Variants in FOCAD observed in about 807,000 individuals in gnomAD.
The protein encoded by FOCAD is focadhesin.
In FOCAD, 198 loss-of-function variants were observed where a neutral mutation model predicts 225.6. The observed-to-expected ratio is 0.88, with a 90% CI of 0.78 to 0.99. The LOEUF is 0.99. Ranked by LOEUF, FOCAD falls within the 50% of genes least tolerant of loss-of-function variation. The pLI is 0.00. For missense variants in FOCAD, 2,713 were observed against 2,123.6 expected, an observed-to-expected ratio of 1.28 and a Z score of -5.46; for synonymous variants, 897 against 755.0, an observed-to-expected ratio of 1.19 and a Z score of -3.08.
Position 20,982,364 on chromosome 9 carries a change from A to G in FOCAD, c.4646A>G (p.Asp1549Gly), listed in dbSNP as rs1270116430. The G allele has an allele frequency of 6.2e-7, 1 of 1,612,038 alleles. No individual in the cohort carries two copies. The highest frequency in any genetic ancestry group is 8.5e-7 in the Non-Finnish European group (1 of 1,178,228). The change falls in exon 39 of 44, where the codon GAT (aspartate) becomes GGT (glycine). Residue 1549 changes from aspartate (D) to glycine (G), a missense_variant. By Grantham distance (94) the Asp-to-Gly change is moderately conservative. Transcript: ENST00000338382. The part of the protein sequence containing the change: ...DLLPNKIRRK[D>G]LELYISIAKC... ...GGGATTTTTCTTTATCAGAGAAAGGATCTAGAGCTGTATATCAGCATAGCA... is the reference window on the plus strand; with the variant it reads ...GGGATTTTTCTTTATCAGAGAAAGGGTCTAGAGCTGTATATCAGCATAGCA...
chr9:20,773,215 G>A (rs1365949000), intron 8 of FOCAD, among the ~76,000 whole-genome samples: 1 of 151,984 alleles, frequency 6.6e-6, no homozygotes, highest in Non-Finnish European at 1.5e-5. Flanking sequence ...CCCACCTTTA[G>A]CATATATTTA....
chr9:20,892,003 A>C (rs1260921279), intron 21 of FOCAD, among the ~76,000 whole-genome samples: 1 of 152,218 alleles, frequency 6.6e-6, no homozygotes, highest in Admixed American at 6.6e-5. Context: ...TGAGTGCTCT[A>C]AAGAATTACG....
intron 12 of FOCAD, 54 bp downstream of exon 12, chr9:20,819,954 T>C: frequency 9.3e-7 from 1 of 1,076,996 alleles, no homozygotes; most frequent in South Asian, 1.6e-5. Flanking sequence ...GAATAATACT[T>C]TGAATTCTTT....
At chr9:20,946,603 A>G in intron 29 of FOCAD, 98 bp from the exon 30 acceptor site, 1 of 1,341,750 alleles carries the variant, frequency 7.5e-7, no homozygotes, top group Non-Finnish European at 1.0e-6. Context: ...TCCAATTCTT[A>G]CTCTGGGGGG....
intron 5 of FOCAD, among the ~76,000 whole-genome samples, chr9:20,756,536 T>G (rs2130881013): frequency 6.6e-6 from 1 of 152,310 alleles, no homozygotes; most frequent in East Asian, 1.9e-4. Flanking sequence ...GGGACAAACT[T>G]CATTCCTAGC....
At chr9:20,884,800 A>G (rs941543980) in intron 20 of FOCAD, among the ~76,000 whole-genome samples, 1 of 151,700 alleles carries the variant, frequency 6.6e-6, no homozygotes, top group African/African-American at 2.4e-5. Flanking sequence ...GGTGGCTCAC[A>G]CCTGTAATCC....
intron 1 of FOCAD, among the ~76,000 whole-genome samples, chr9:20,692,618 G>A (rs1362174625): frequency 1.3e-5 from 2 of 152,182 alleles, no homozygotes; most frequent in Admixed American, 6.5e-5. Context: ...TGTAGTGATC[G>A]GCACTGGTAG....
At chr9:20,986,260 TA>T in intron 39 of FOCAD, 27 bp from the exon 40 acceptor site, 1 of 1,389,234 alleles carries the variant, frequency 7.2e-7, no homozygotes, top group Non-Finnish European at 9.4e-7. Flanking sequence ...TAATAGTAAC[TA>T]AACAATTTTT....
intron 11 of FOCAD, among the ~76,000 whole-genome samples, chr9:20,812,923 AGTATTGTT>A (rs1270658490): frequency 1.3e-5 from 2 of 152,122 alleles, no homozygotes; most frequent in East Asian, 3.9e-4. Flanking sequence ...TGTACTGTAC[AGTATTGTT>A]AAGTATATGA....
At chr9:20,839,308 G>C (rs1826286719) in intron 15 of FOCAD, among the ~76,000 whole-genome samples, 1 of 149,880 alleles carries the variant, frequency 6.7e-6, no homozygotes, top group Non-Finnish European at 1.5e-5. Flanking sequence ...GCCCAAGCTG[G>C]AGTGCAGTGG....
Position 20,990,204 on chromosome 9 carries a change from A to G in FOCAD, c.5086A>G (p.Ser1696Gly). 1.2e-6 allele frequency: 2 copies of G among 1,614,184 alleles called. No homozygotes were observed. Among genetic ancestry groups the G allele is most frequent in the South Asian group, 1.1e-5 (1 of 91,088 alleles). ...CACTGCCCCTCTCCTCCTCGGCCTC[A>G]GTGCCAGTTGGTTGCCATGGCATCA... ...DHTAPLLLGL[S>G]ASWLPWHQEN... Residue 1696 changes from serine to glycine, a missense_variant, in exon 42 of 44, where the codon AGT becomes GGT. Transcript: ENST00000338382.
chr9:20,748,182 C>T (rs1010543859), intron 5 of FOCAD, among the ~76,000 whole-genome samples: 1 of 151,974 alleles, frequency 6.6e-6, no homozygotes, highest in Non-Finnish European at 1.5e-5. Context: ...GGGATTGAAA[C>T]CAGTGGAATA....
At chr9:20,720,948 G>C (rs1825723743) in intron 4 of FOCAD, among the ~76,000 whole-genome samples, 1 of 152,126 alleles carries the variant, frequency 6.6e-6, no homozygotes, top group African/African-American at 2.4e-5. Flanking sequence ...GAAAATAATG[G>C]CATTTATTTC....
chr9:20,788,107 A>G (rs374716877), intron 10 of FOCAD, among the ~76,000 whole-genome samples: 2 of 152,226 alleles, frequency 1.3e-5, no homozygotes, highest in Non-Finnish European at 2.9e-5. Flanking sequence ...AATATAGTGT[A>G]TCCATACAAT....
At chr9:20,777,081 TTTG>T (rs1163147649) in intron 8 of FOCAD, among the ~76,000 whole-genome samples, 2 of 152,294 alleles carry the variant, frequency 1.3e-5, no homozygotes, top group Non-Finnish European at 2.9e-5. Context: ...ATTTTTTTCT[TTTG>T]TTGTTTTTTT....
chr9:20,831,277 CGGTAGGAAGA>C (rs1347439721), intron 15 of FOCAD, among the ~76,000 whole-genome samples: 1 of 151,936 alleles, frequency 6.6e-6, no homozygotes, highest in Non-Finnish European at 1.5e-5. Flanking sequence ...ATTCATTCTC[CGGTAGGAAGA>C]GGTGGTGAGG....
chr9:20,746,226 T>C (rs1043261311), intron 5 of FOCAD, among the ~76,000 whole-genome samples: 1 of 152,190 alleles, frequency 6.6e-6, no homozygotes, highest in Non-Finnish European at 1.5e-5. Context: ...TTGTCTGTTT[T>C]GAAGGAAGAC....
At chr9:20,962,455 C>CATACA (rs1017590932) in intron 35 of FOCAD, among the ~76,000 whole-genome samples, 4 of 151,698 alleles carry the variant, frequency 2.6e-5, no homozygotes, top group African/African-American at 7.3e-5. Context: ...TACATACATA[C>CATACA]ACTAGATAAT....
intron 27 of FOCAD, among the ~76,000 whole-genome samples, chr9:20,930,625 T>A (rs756174021): frequency 3.9e-5 from 6 of 152,214 alleles, no homozygotes; most frequent in Non-Finnish European, 8.8e-5. Context: ...TGTGAAACTT[T>A]TATGTGAATT....
Sources: gnomAD v4.1 joint callset for allele counts (sites outside exome capture counted in the v4.1 genomes callset) on GRCh38, gnomAD v4.1.1 for gene constraint, MANE v1.5 for transcripts, NCBI Gene and HGNC (gene_info 2026-07-23, HGNC 2026-07-21) for gene names.